Variants in FHIT observed in about 807,000 individuals in gnomAD.
The protein encoded by FHIT is fragile histidine triad diadenosine triphosphatase.
A neutral mutation model predicts 17.9 loss-of-function variants in FHIT; 19 were observed. That is an observed-to-expected ratio of 1.06 (90% confidence interval 0.74 to 1.56). The LOEUF (loss-of-function observed/expected upper bound fraction) is 1.56, where lower values mean the gene tolerates loss of function less well. FHIT is among the 40% of genes most tolerant of loss of function. The pLI, the probability that FHIT is intolerant of heterozygous loss-of-function variation, is 0.00. For missense variants in FHIT, 248 were observed against 189.2 expected (o/e 1.31, Z -1.82); for synonymous variants, 81 against 69.7 (o/e 1.16, Z -0.81).
At chr3:60,280,007 G>C (rs1323028332) in intron 5 of FHIT, among the ~76,000 whole-genome samples, 1 of 148,134 alleles carries the variant, frequency 6.8e-6, no homozygotes, top group Non-Finnish European at 1.5e-5. Context: ...ACTCCAGCGT[G>C]GGTGACAGAA....
intron 8 of FHIT, among the ~76,000 whole-genome samples, chr3:59,921,794 C>G (rs1449470965): frequency 3.0e-4 from 45 of 152,180 alleles, no homozygotes; most frequent in Non-Finnish European, 2.1e-4. Flanking sequence ...TGGTTTCACA[C>G]TTGTATCTTT....
chr3:60,993,265 G>T (rs1439246492), intron 3 of FHIT, among the ~76,000 whole-genome samples: 2 of 152,200 alleles, frequency 1.3e-5, no homozygotes, highest in Admixed American at 1.3e-4. Flanking sequence ...ATACATAATT[G>T]ATTGCCTTTA....
chr3:59,750,823 C>T (rs1374674357), intron 9 of FHIT: 3 of 207,770 alleles, frequency 1.4e-5, no homozygotes, highest in African/African-American at 6.8e-5. Context: ...AAGGTGAAAT[C>T]AGAATACAAT....
intron 5 of FHIT, among the ~76,000 whole-genome samples, chr3:60,063,260 G>C (rs1401428743): frequency 6.6e-6 from 1 of 152,158 alleles, no homozygotes; most frequent in Non-Finnish European, 1.5e-5. Flanking sequence ...TGGTCTACAA[G>C]ATCAACTTTC....
intron 5 of FHIT, among the ~76,000 whole-genome samples, chr3:60,312,981 C>T (rs1274395998): frequency 6.6e-6 from 1 of 152,164 alleles, no homozygotes; most frequent in African/African-American, 2.4e-5. Context: ...GCATCCATAA[C>T]CCAGTTGATT....
At chr3:60,337,767 T>C (rs1295588013) in intron 5 of FHIT, among the ~76,000 whole-genome samples, 1 of 152,100 alleles carries the variant, frequency 6.6e-6, no homozygotes, top group Non-Finnish European at 1.5e-5. Context: ...GACATACAGG[T>C]GTACCTGGGG....
intron 5 of FHIT, among the ~76,000 whole-genome samples, chr3:60,365,314 C>T (rs1158920283): frequency 6.6e-6 from 1 of 151,958 alleles, no homozygotes; most frequent in Non-Finnish European, 1.5e-5. Flanking sequence ...TGTAAGGTTA[C>T]ATGTTCCCTT....
intron 5 of FHIT, among the ~76,000 whole-genome samples, chr3:60,258,318 T>C (rs1369393743): frequency 6.6e-6 from 1 of 152,102 alleles, no homozygotes; most frequent in Non-Finnish European, 1.5e-5. Flanking sequence ...ATCCTTTCTG[T>C]AAGATCCCAT....
chr3:60,840,692 A>G (rs1482461457), intron 3 of FHIT, among the ~76,000 whole-genome samples: 5 of 152,158 alleles, frequency 3.3e-5, no homozygotes, highest in Non-Finnish European at 7.4e-5. Flanking sequence ...CTTTTTCTGT[A>G]TTGCCTTGAG....
rs560728961 is a variant in FHIT, at chr3:59,923,042, G to A, written c.280-628C>T. 3.8e-4 allele frequency among the ~76,000 whole-genome samples: 57 copies of A among 151,714 alleles called. No individual in the cohort carries two copies. In the East Asian group the frequency reaches 8.8e-3, roughly 23 times the overall value. On this transcript the variant is annotated intron_variant, in intron 7 of 9. Transcript: ENST00000492590. ...TGGGAGGCCGAGGTGGGCGGATCAC[G>A]AGGTCAGGAGATCGAGATCATCCTG... is the stretch of plus-strand genomic sequence containing the variant.
chr3:60,136,171 T>C lies in FHIT; in HGVS notation c.104-122019A>G, dbSNP rs566454015. On this transcript the variant is annotated intron_variant, in intron 5 of 9. Transcript: ENST00000492590. Reference sequence around the variant, plus strand: ...CCAACAAATATGACTCTTGCTGCTATCTGATTTTACACAAGCACACCTCCA... The same window carrying C: ...CCAACAAATATGACTCTTGCTGCTACCTGATTTTACACAAGCACACCTCCA... 3.9e-5 allele frequency among the ~76,000 whole-genome samples: 6 copies of C among 152,164 alleles called. No individual in the cohort carries two copies. In the East Asian group the frequency reaches 9.7e-4, roughly 25 times the overall value.
At chr3:60,834,239 C>T (rs77381690) in intron 3 of FHIT, among the ~76,000 whole-genome samples, 31 of 152,322 alleles carry the variant, frequency 2.0e-4, no homozygotes, top group African/African-American at 7.5e-4. Context: ...ACCAGTAACA[C>T]AATTTCTCTG....
At chr3:59,862,161 C>A (rs573995006) in intron 8 of FHIT, among the ~76,000 whole-genome samples, 95 of 152,176 alleles carry the variant, frequency 6.2e-4, no homozygotes, top group Non-Finnish European at 9.7e-4. Context: ...GGACTCACAG[C>A]CCCACATGGT....
Position 59,748,742 on chromosome 3 carries a change from T to C in FHIT, c.*843A>G, listed in dbSNP as rs1483607300. On this transcript the variant is annotated 3_prime_UTR_variant, in exon 10 of 10. Coordinates refer to ENST00000492590, the MANE Select transcript of FHIT (RefSeq NM_002012.4). ...AAGAGAATGGCCTTTAGGGTGGGAC[T>C]GCCTGGATTCAAATCTGAGCTTTGC... Among the ~76,000 whole-genome samples the C allele has an allele frequency of 6.6e-6, 1 of 152,152 alleles. No individual in the cohort carries two copies. The highest frequency in any genetic ancestry group is 1.5e-5 in the Non-Finnish European group (1 of 68,018).
chr3:60,859,042 G>C (rs1461217053), intron 3 of FHIT, among the ~76,000 whole-genome samples: 3 of 152,140 alleles, frequency 2.0e-5, no homozygotes, highest in African/African-American at 7.2e-5. Flanking sequence ...CAGCTCTTTA[G>C]GAAGAATTGT....
chr3:59,863,086 C>G (rs937385810), intron 8 of FHIT, among the ~76,000 whole-genome samples: 2 of 152,162 alleles, frequency 1.3e-5, no homozygotes, highest in African/African-American at 4.8e-5. Context: ...AGGAATAGTC[C>G]TATCCAAGGA....
intron 4 of FHIT, among the ~76,000 whole-genome samples, chr3:60,624,193 G>C (rs1455819159): frequency 6.6e-6 from 1 of 152,202 alleles, no homozygotes; most frequent in Non-Finnish European, 1.5e-5. Context: ...CGTATGCAGA[G>C]AAGTCCATGC....
Position 60,869,829 on chromosome 3 carries a change from G to A in FHIT, c.-110-47818C>T, listed in dbSNP as rs185017257. Among the ~76,000 whole-genome samples the A allele has an allele frequency of 2.4e-4, 37 of 152,202 alleles. No individual in the cohort carries two copies. The East Asian group carries it at 6.9e-3, about 29-fold the overall frequency. On this transcript the variant is annotated intron_variant, in intron 3 of 9. Transcript: ENST00000492590. ...GTCTCATCCAACTTCTCCCTTTATAGGAATTGACATGACTTCAAATATTCA... is the reference window on the plus strand; with the variant it reads ...GTCTCATCCAACTTCTCCCTTTATAAGAATTGACATGACTTCAAATATTCA...
chr3:60,067,573 T>A lies in FHIT; in HGVS notation c.104-53421A>T, dbSNP rs550581732. ...TTGTCAAGAGAGCCCACAGGTACTA[T>A]CTGGCTCATCACAGCTTAACTTATC... On this transcript the variant is annotated intron_variant, in intron 5 of 9. Coordinates refer to ENST00000492590, the MANE Select transcript of FHIT (RefSeq NM_002012.4). 9.2e-5 allele frequency among the ~76,000 whole-genome samples: 14 copies of A among 152,336 alleles called. No individual in the cohort carries two copies. In the South Asian group the frequency reaches 2.7e-3, roughly 29 times the overall value.
Sources: gnomAD v4.1 joint callset for allele counts (sites outside exome capture counted in the v4.1 genomes callset) on GRCh38, gnomAD v4.1.1 for gene constraint, MANE v1.5 for transcripts, NCBI Gene and HGNC (gene_info 2026-07-23, HGNC 2026-07-21) for gene names.